Variants in ADGRV1 observed in about 807,000 individuals in gnomAD.
ADGRV1 encodes the protein adhesion G protein-coupled receptor V1.
Under a neutral mutation model 596.2 loss-of-function variants are expected in ADGRV1, and 359 were observed. The ratio of observed to expected loss-of-function variants is 0.60; its 90% CI spans 0.55 to 0.66. The LOEUF (loss-of-function observed/expected upper bound fraction) is 0.66. Ranked by LOEUF, ADGRV1 falls within the 30% of genes least tolerant of loss-of-function variation. The pLI, the probability that ADGRV1 is intolerant of heterozygous loss-of-function variation, is 0.00. For synonymous variants in ADGRV1, 2,681 were observed against 2,679.2 expected (o/e 1.00, Z -0.02); for missense variants, 7,274 against 7,575.6 (o/e 0.96, Z 1.48).
intron 1 of ADGRV1, among the ~76,000 whole-genome samples, chr5:90,608,439 G>C (rs146170268): frequency 6.6e-6 from 1 of 151,984 alleles, no homozygotes; most frequent in African/African-American, 2.4e-5. Flanking sequence ...CAAACAATCA[G>C]AACGGGTCAC....
chr5:90,967,408 C>G (rs1581656669), intron 84 of ADGRV1, among the ~76,000 whole-genome samples: 1 of 152,118 alleles, frequency 6.6e-6, no homozygotes, highest in Non-Finnish European at 1.5e-5. Flanking sequence ...TGAATTTAAA[C>G]CATATAACAT....
intron 45 of ADGRV1, 55 bp downstream of exon 45, chr5:90,721,114 A>G (rs1750864228): frequency 2.0e-6 from 3 of 1,469,552 alleles, no homozygotes; most frequent in Admixed American, 1.8e-5. Flanking sequence ...TATTGCATGT[A>G]TAAGATTTAT....
intron 78 of ADGRV1, among the ~76,000 whole-genome samples, chr5:90,843,033 C>A (rs185280633): frequency 1.1e-4 from 16 of 152,132 alleles, no homozygotes; most frequent in African/African-American, 3.9e-4. Flanking sequence ...GAAATTCATA[C>A]CTTGTTCTGC....
intron 1 of ADGRV1, among the ~76,000 whole-genome samples, chr5:90,594,417 C>T (rs28399862): frequency 0.07 from 10,679 of 151,838 alleles, 434 homozygotes; most frequent in Non-Finnish European, 0.093. Flanking sequence ...CTGAGGCCTC[C>T]CCAGCCATTC....
chr5:90,611,880 T>C (rs1318927413), intron 1 of ADGRV1, among the ~76,000 whole-genome samples: 1 of 152,028 alleles, frequency 6.6e-6, no homozygotes, highest in African/African-American at 2.4e-5. Flanking sequence ...AAATAAACTA[T>C]TCAGCATTTG....
Position 91,027,506 on chromosome 5 carries a change from G to C in ADGRV1, c.18152+41984G>C, listed in dbSNP as rs143655702. 3.0e-3 allele frequency among the ~76,000 whole-genome samples: 453 copies of C among 152,218 alleles called. 3 individuals carry two copies. The highest frequency in any genetic ancestry group is 0.01 in the African/African-American group (418 of 41,548). The stretch of plus-strand genomic sequence containing the variant: ...CAGCATAAGAAGGAAAGTCAAAAAG[G>C]CTACTGGGCTAGTTAGGACAGGCAC... On this transcript the variant is annotated intron_variant, in intron 85 of 89. Transcript: ENST00000405460.
intron 75 of ADGRV1, among the ~76,000 whole-genome samples, chr5:90,817,841 G>A (rs1763058203): frequency 6.6e-6 from 1 of 152,158 alleles, no homozygotes; most frequent in Non-Finnish European, 1.5e-5. Context: ...TTGAAATCAG[G>A]TAGTGTGATG....
chr5:90,780,765 A>G (rs902523966), intron 64 of ADGRV1, among the ~76,000 whole-genome samples: 1 of 152,068 alleles, frequency 6.6e-6, no homozygotes, highest in Non-Finnish European at 1.5e-5. Flanking sequence ...CAGTGGCACA[A>G]TCATAGCTCA....
At chr5:90,910,548 ATATTATCTATCTATC>A (rs1454681146) in intron 83 of ADGRV1, among the ~76,000 whole-genome samples, 1 of 138,092 alleles carries the variant, frequency 7.2e-6, no homozygotes, top group Non-Finnish European at 1.5e-5. Flanking sequence ...TTATATATAT[ATATTATCTATCTATC>A]TATCTATCTA....
At chr5:90,722,718 A>G (rs998664476) in intron 45 of ADGRV1, among the ~76,000 whole-genome samples, 2 of 16,422 alleles carry the variant, frequency 1.2e-4, no homozygotes, top group East Asian at 2.4e-3. Flanking sequence ...CTCCGTCTCA[A>G]AAAAAAAAAA....
intron 18 of ADGRV1, 92 bp downstream of exon 18, chr5:90,651,822 A>G: frequency 1.2e-6 from 1 of 845,898 alleles, no homozygotes; most frequent in South Asian, 2.2e-5. Flanking sequence ...AAATTTAAAA[A>G]TTGGTTAAGA....
At chr5:90,988,255 A>G (rs1225228234) in intron 85 of ADGRV1, among the ~76,000 whole-genome samples, 1 of 152,198 alleles carries the variant, frequency 6.6e-6, no homozygotes, top group Non-Finnish European at 1.5e-5. Context: ...TAAATCATGT[A>G]CAAGCTATTT....
At chr5:91,061,538 T>G (rs542884664) in intron 85 of ADGRV1, among the ~76,000 whole-genome samples, 1 of 152,354 alleles carries the variant, frequency 6.6e-6, no homozygotes, top group East Asian at 1.9e-4. Context: ...GGTATTTTAA[T>G]GTAGCCAGTA....
At chr5:90,980,355 C>G (rs1177653606) in intron 84 of ADGRV1, among the ~76,000 whole-genome samples, 2 of 152,126 alleles carry the variant, frequency 1.3e-5, no homozygotes, top group African/African-American at 2.4e-5. Flanking sequence ...TTTTTTTGGA[C>G]TTGTCTTCAG....
chr5:90,807,876 G>A (rs1046885443), intron 73 of ADGRV1, 139 bp downstream of exon 73: 33 of 720,688 alleles, frequency 4.6e-5, no homozygotes, highest in African/African-American at 3.7e-4. Flanking sequence ...ATCACGTGGC[G>A]TGCATGCTGG....
chr5:91,157,274 A>C (rs1400649464), intron 89 of ADGRV1, among the ~76,000 whole-genome samples: 1 of 152,258 alleles, frequency 6.6e-6, no homozygotes, highest in Non-Finnish European at 1.5e-5. Context: ...GCATGTGTTT[A>C]AAAAGTTTTT....
At chr5:90,623,568 T>C (rs1371871066) in intron 5 of ADGRV1, among the ~76,000 whole-genome samples, 2 of 152,136 alleles carry the variant, frequency 1.3e-5, no homozygotes, top group African/African-American at 4.8e-5. Context: ...TGCATCACCA[T>C]GCCCAGCTAA....
rs1334487816 is a variant in ADGRV1, at chr5:90,747,394, CT to C, written c.10974+1600del. 2.6e-5 allele frequency among the ~76,000 whole-genome samples: 4 copies of C among 152,052 alleles called. No individual in the cohort carries two copies. The East Asian group carries it at 7.7e-4, about 29-fold the overall frequency. ...GAGTCACTAAGAAGACTCGCAGGAC[CT>C]AGCATTTAGTCATATCCATGGCTAT... On this transcript the variant is annotated intron_variant, in intron 52 of 89. Transcript: ENST00000405460.
intron 85 of ADGRV1, among the ~76,000 whole-genome samples, chr5:91,020,380 T>A (rs988343969): frequency 6.6e-6 from 1 of 152,068 alleles, no homozygotes; most frequent in African/African-American, 2.4e-5. Context: ...GCCAGATAGC[T>A]TCCATTACAT....
Sources: allele counts gnomAD v4.1 joint callset (sites outside exome capture counted in the v4.1 genomes callset), GRCh38; gene constraint gnomAD v4.1.1; transcripts MANE v1.5; gene names NCBI Gene and HGNC (gene_info 2026-07-23, HGNC 2026-07-21).